MAF: variants seen among roughly 807,000 people sequenced by gnomAD.
MAF encodes the protein MAF bZIP transcription factor.
MAF carries 10 observed loss-of-function variants against 22.0 expected under a neutral mutation model. That is an observed-to-expected ratio of 0.45 (90% CI 0.28 to 0.77). The LOEUF is 0.77. MAF is among the 30% of genes least tolerant of loss of function. MAF has a pLI of 0.12. For synonymous variants in MAF, 337 were observed against 255.8 expected (o/e 1.32, Z -3.03); for missense variants, 544 against 548.4 (o/e 0.99, Z 0.08).
chr16:79,345,757 C>CAAAA, the MAF span, among the ~76,000 whole-genome samples: 8 of 116,896 alleles, frequency 6.8e-5, no homozygotes, highest in Non-Finnish European at 1.3e-4. Context: ...AAAAAAAAAT[C>CAAAA]TTTAACTTGC....
At chr16:79,499,049 C>T in the MAF span, among the ~76,000 whole-genome samples, 1 of 152,164 alleles carries the variant, frequency 6.6e-6, no homozygotes, top group African/African-American at 2.4e-5. Flanking sequence ...CAAGGTAGCA[C>T]AGACATTTCA....
the MAF span, among the ~76,000 whole-genome samples, chr16:79,525,648 C>T: frequency 6.6e-6 from 1 of 152,086 alleles, no homozygotes; most frequent in Admixed American, 6.5e-5. Flanking sequence ...TAATGATGTA[C>T]ATTTGAATCC....
At chr16:79,537,605 C>T in the MAF span, among the ~76,000 whole-genome samples, 1 of 152,116 alleles carries the variant, frequency 6.6e-6, no homozygotes, top group South Asian at 2.1e-4. Context: ...GCTCTTTACC[C>T]CATCAGTCTT....
the MAF span, among the ~76,000 whole-genome samples, chr16:79,265,541 A>T: frequency 1.5e-4 from 23 of 152,342 alleles, no homozygotes; most frequent in African/African-American, 5.5e-4. Context: ...CCCTATATAC[A>T]GTATATTTTT....
the MAF span, among the ~76,000 whole-genome samples, chr16:79,570,340 C>A: frequency 6.6e-6 from 1 of 151,424 alleles, no homozygotes; most frequent in Non-Finnish European, 1.5e-5. Flanking sequence ...CTATCTTCTC[C>A]CCAGTCTTTC....
At chr16:79,300,040 C>G in the MAF span, among the ~76,000 whole-genome samples, 2 of 152,194 alleles carry the variant, frequency 1.3e-5, no homozygotes, top group Non-Finnish European at 2.9e-5. Flanking sequence ...CACCTGGCGT[C>G]TCTTCCGCAG....
chr16:79,406,587 C>G, the MAF span, among the ~76,000 whole-genome samples: 2 of 152,126 alleles, frequency 1.3e-5, no homozygotes, highest in Non-Finnish European at 2.9e-5. Context: ...AAGTTCCACC[C>G]TCATGATCTG....
chr16:79,255,810 C>G, the MAF span, among the ~76,000 whole-genome samples: 1 of 152,062 alleles, frequency 6.6e-6, no homozygotes, highest in Non-Finnish European at 1.5e-5. Flanking sequence ...GGTTCCTCAT[C>G]TGTGAGTGGG....
chr16:79,446,595 G>A, the MAF span, among the ~76,000 whole-genome samples: 35 of 152,110 alleles, frequency 2.3e-4, no homozygotes, highest in East Asian at 1.9e-4. Flanking sequence ...TTGAAGGCAC[G>A]TCTCACTTCC....
At chr16:79,251,503 G>C in the MAF span, among the ~76,000 whole-genome samples, 2 of 152,008 alleles carry the variant, frequency 1.3e-5, no homozygotes, top group Non-Finnish European at 2.9e-5. Flanking sequence ...TTTTAGTAGA[G>C]ACGGGATTTC....
At chr16:79,342,769 C>G in the MAF span, among the ~76,000 whole-genome samples, 1 of 151,926 alleles carries the variant, frequency 6.6e-6, no homozygotes, top group East Asian at 1.9e-4. Context: ...CGTTACTAAC[C>G]CAAAAAATAG....
the MAF span, among the ~76,000 whole-genome samples, chr16:79,409,485 G>A: frequency 3.9e-5 from 6 of 152,298 alleles, no homozygotes; most frequent in East Asian, 1.9e-4. Flanking sequence ...CAGCTTGCTC[G>A]ATAGCTTGGG....
At chr16:79,210,116 C>G in the MAF span, among the ~76,000 whole-genome samples, 19 of 152,298 alleles carry the variant, frequency 1.2e-4, 1 homozygote, top group Middle Eastern at 3.4e-3. Flanking sequence ...AAACCCAAGT[C>G]TTTGTCTCAC....
chr16:79,256,629 T>C, the MAF span, among the ~76,000 whole-genome samples: 2 of 152,076 alleles, frequency 1.3e-5, no homozygotes. Context: ...ACATAGATCT[T>C]TGGACTAGCA....
At chr16:79,524,434 T>A in the MAF span, among the ~76,000 whole-genome samples, 1 of 152,182 alleles carries the variant, frequency 6.6e-6, no homozygotes, top group South Asian at 2.1e-4. Flanking sequence ...CCTGTTGCAA[T>A]TATTCCTGTC....
chr16:79,267,387 A>G, the MAF span, among the ~76,000 whole-genome samples: 1 of 152,158 alleles, frequency 6.6e-6, no homozygotes. Flanking sequence ...GATACACGAA[A>G]AGTGTGAGCT....
the MAF span, among the ~76,000 whole-genome samples, chr16:79,296,395 G>A: frequency 6.6e-6 from 1 of 152,102 alleles, no homozygotes; most frequent in Non-Finnish European, 1.5e-5. Flanking sequence ...GAGAGCATCA[G>A]GATAAATAGC....
At chr16:79,557,559 G>A in the MAF span, among the ~76,000 whole-genome samples, 5 of 151,874 alleles carry the variant, frequency 3.3e-5, no homozygotes, top group African/African-American at 9.7e-5. Flanking sequence ...CGTGGCCTTG[G>A]GCGTGTTACA....
the MAF span, among the ~76,000 whole-genome samples, chr16:79,410,046 A>G: frequency 6.6e-6 from 1 of 152,196 alleles, no homozygotes; most frequent in Non-Finnish European, 1.5e-5. Context: ...CTAACTTAGG[A>G]GTATGCACCT....
Sources: allele counts gnomAD v4.1 joint callset (sites outside exome capture counted in the v4.1 genomes callset), GRCh38; gene constraint gnomAD v4.1.1; transcripts MANE v1.5; gene names NCBI Gene and HGNC (gene_info 2026-07-23, HGNC 2026-07-21).